Variants in SCARA3 observed in about 807,000 individuals in gnomAD.
SCARA3 encodes the protein cellular stress response gene protein.
Under a neutral mutation model 47.0 loss-of-function variants are expected in SCARA3, and 39 were observed. The observed-to-expected ratio is 0.83, with a 90% confidence interval of 0.64 to 1.08. SCARA3 has a LOEUF of 1.08. SCARA3 is among the 50% of genes least tolerant of loss of function. The pLI is 0.00. For synonymous variants in SCARA3, 356 were observed against 334.1 expected (o/e 1.07, Z -0.71); for missense variants, 724 against 792.3 (o/e 0.91, Z 1.04).
At chr8:27,731,927 G>A in the SCARA3 span, among the ~76,000 whole-genome samples, 1 of 152,148 alleles carries the variant, frequency 6.6e-6, no homozygotes, top group Non-Finnish European at 1.5e-5. Context: ...TTCAGTCTGT[G>A]GTTTTCATCT....
downstream of SCARA3, among the ~76,000 whole-genome samples, chr8:27,677,902 T>A (rs184227240): frequency 2.0e-5 from 3 of 152,346 alleles, no homozygotes; most frequent in Admixed American, 2.0e-4. Context: ...AGATATCTAC[T>A]GTCTTCAAAT....
the SCARA3 span, among the ~76,000 whole-genome samples, chr8:27,687,364 T>G: frequency 1.3e-5 from 2 of 152,180 alleles, no homozygotes; most frequent in Non-Finnish European, 2.9e-5. Context: ...ACAGCCACAC[T>G]TCCCCTGCTC....
Position 27,649,605 on chromosome 8 carries a change from G to A in SCARA3, c.8-97G>A, listed in dbSNP as rs2128918011. 4 of 1,136,082 alleles carry A rather than the reference G, an allele frequency of 3.5e-6. No individual in the cohort carries two copies. In the Admixed American group the frequency reaches 5.8e-5, roughly 16 times the overall value. 70.4% of individuals were successfully genotyped at this position (1,136,082 alleles called of 1,614,324 possible). A position where few individuals can be genotyped will look rare whatever the true frequency, so the allele number is the denominator to read the frequency against. ...TGGAGCTCAGTGAGCTGGCTCAGGG[G>A]TAGAGGTGGGCATGGGATATGGGGA... On this transcript the variant is annotated intron_variant, in intron 1 of 5. Transcript: ENST00000301904.
At chr8:27,668,471 C>T (rs1250430667) in intron 5 of SCARA3, among the ~76,000 whole-genome samples, 2 of 145,912 alleles carry the variant, frequency 1.4e-5, no homozygotes, top group South Asian at 2.3e-4. Context: ...ACCCGGGAAG[C>T]GGAGCTTGCA....
chr8:27,721,244 A>G, the SCARA3 span, among the ~76,000 whole-genome samples: 51 of 152,316 alleles, frequency 3.3e-4, no homozygotes, highest in Admixed American at 3.9e-4. Context: ...AAATATACAT[A>G]TATATCTGTA....
chr8:27,646,980 C>CG (rs986600211), intron 1 of SCARA3, among the ~76,000 whole-genome samples: 3 of 113,106 alleles, frequency 2.7e-5, no homozygotes, highest in Non-Finnish European at 5.7e-5. Context: ...CCGCCCCCCC[C>CG]CCGCACACAC....
Position 27,658,624 on chromosome 8 carries a change from C to G in SCARA3, c.454C>G (p.Gln152Glu), listed in dbSNP as rs1392157729. Reference protein sequence around the residue: ...LLLAQEVQLDQTLQAQEVLST... With the variant: ...LLLAQEVQLDETLQAQEVLST... Reference sequence around the variant, plus strand: ...TCTGGCCCAGGAGGTGCAGCTGGACCAGACCTTACAGGCCCAGGAGGTGCT... The same window carrying G: ...TCTGGCCCAGGAGGTGCAGCTGGACGAGACCTTACAGGCCCAGGAGGTGCT... The change falls in exon 5 of 6, where the codon CAG becomes GAG. Residue 152 changes from glutamine to glutamate, a missense_variant. Gln to Glu is a conservative substitution (Grantham distance 29). Coordinates refer to ENST00000301904, the MANE Select transcript of SCARA3 (RefSeq NM_016240.3). 1 of 1,613,920 alleles carries G rather than the reference C, an allele frequency of 6.2e-7. No individual in the cohort carries two copies. The highest frequency in any genetic ancestry group is 8.5e-7 in the Non-Finnish European group (1 of 1,179,998).
intron 3 of SCARA3, among the ~76,000 whole-genome samples, chr8:27,653,341 G>A (rs1035201653): frequency 6.6e-6 from 1 of 152,210 alleles, no homozygotes; most frequent in Non-Finnish European, 1.5e-5. Context: ...GTACAGACCT[G>A]GGAAGGGGAC....
chr8:27,661,070 C>T lies in SCARA3; in HGVS notation c.1369+1531C>T, dbSNP rs1379421302. Among the ~76,000 whole-genome samples, 3 of 152,056 alleles carry T rather than the reference C, an allele frequency of 2.0e-5. No individual in the cohort carries two copies. The East Asian group carries it at 5.8e-4, about 29-fold the overall frequency. ...TCAGGCCTTCAACTGATTAGATGAGCCTGCTCACGCCAGGGAGGGCAATCT... is the reference window on the plus strand; with the variant it reads ...TCAGGCCTTCAACTGATTAGATGAGTCTGCTCACGCCAGGGAGGGCAATCT... On this transcript the variant is annotated intron_variant, in intron 5 of 5. Coordinates refer to ENST00000301904, the MANE Select transcript of SCARA3 (RefSeq NM_016240.3).
the SCARA3 span, among the ~76,000 whole-genome samples, chr8:27,687,842 C>T: frequency 6.6e-6 from 1 of 152,106 alleles, no homozygotes; most frequent in South Asian, 2.1e-4. Flanking sequence ...CATGGCGAAA[C>T]CCGTTTCTAC....
chr8:27,656,591 T>C (rs1801748263), intron 3 of SCARA3, among the ~76,000 whole-genome samples, 191 bp from the exon 4 acceptor site: 1 of 152,186 alleles, frequency 6.6e-6, no homozygotes, highest in African/African-American at 2.4e-5. Flanking sequence ...TGAGTTATTC[T>C]GTTTCTAAAG....
At chr8:27,659,782 C>T (rs1363872849) in intron 5 of SCARA3, among the ~76,000 whole-genome samples, 4 of 126,206 alleles carry the variant, frequency 3.2e-5, no homozygotes, top group African/African-American at 8.8e-5. Flanking sequence ...CCCAGGAGTT[C>T]GAGGCTACAG....
chr8:27,672,227 A>G lies in SCARA3; in HGVS notation c.*876A>G, dbSNP rs1034366400. ...TGAGAAGTTCAACATTTATTTCTTC[A>G]CGTGTCCAGAAAATTCCTCAATTCA... On this transcript the variant is annotated 3_prime_UTR_variant, in exon 6 of 6. Coordinates refer to ENST00000301904, the MANE Select transcript of SCARA3 (RefSeq NM_016240.3). 7.1e-6 allele frequency: 7 copies of G among 985,330 alleles called. No homozygotes were observed. The African/African-American group carries it at 1.2e-4, about 17-fold the overall frequency. The allele number at this position is 985,330 out of a possible 1,614,324, so 61.0% of individuals were successfully genotyped here.
At chr8:27,705,811 G>A in the SCARA3 span, among the ~76,000 whole-genome samples, 160 of 152,312 alleles carry the variant, frequency 1.1e-3, no homozygotes, top group African/African-American at 3.5e-3. Flanking sequence ...GGAAGGATAG[G>A]AGTATAAACT....
rs1166113499 is a variant in SCARA3, at chr8:27,671,946, G to A, written c.*595G>A. On this transcript the variant is annotated 3_prime_UTR_variant, in exon 6 of 6. Coordinates refer to ENST00000301904, the MANE Select transcript of SCARA3 (RefSeq NM_016240.3). ...AGCCTGCCAGGGAGGCAGCTACCTC[G>A]GGAGGAAGGTCTCACATCTGTCTCT... 1.3e-5 allele frequency: 13 copies of A among 985,276 alleles called. No individual in the cohort carries two copies. The highest frequency in any genetic ancestry group is 5.2e-4 in the Middle Eastern group (1 of 1,936). The allele number at this position is 985,276 out of a possible 1,614,324, so 61.0% of individuals were successfully genotyped here. A position where few individuals can be genotyped will look rare whatever the true frequency, so the allele number is the denominator to read the frequency against.
chr8:27,723,393 T>C, the SCARA3 span, among the ~76,000 whole-genome samples: 1 of 152,212 alleles, frequency 6.6e-6, no homozygotes, highest in Admixed American at 6.5e-5. Flanking sequence ...CACTTCCTTT[T>C]GGCAACCTTC....
the SCARA3 span, among the ~76,000 whole-genome samples, chr8:27,704,972 T>C: frequency 6.6e-6 from 1 of 152,084 alleles, no homozygotes; most frequent in South Asian, 2.1e-4. Flanking sequence ...AGCTGCAAAA[T>C]AATCTCAACT....
the SCARA3 span, among the ~76,000 whole-genome samples, chr8:27,700,068 A>G: frequency 6.6e-6 from 1 of 152,182 alleles, no homozygotes; most frequent in African/African-American, 2.4e-5. Context: ...AATCTATAAA[A>G]CTTCTTAAAA....
At position 27,672,256 on chromosome 8, in the gene SCARA3, T is replaced by C; in HGVS notation, c.*905T>C. 1.0e-6 allele frequency: 1 copy of C among 985,528 alleles called. No individual in the cohort carries two copies. Among genetic ancestry groups the C allele is most frequent in the Non-Finnish European group, 1.2e-6 (1 of 830,006 alleles). The allele number at this position is 985,528 out of a possible 1,614,324, so 61.0% of individuals were successfully genotyped here. ...GTCCAGAAAATTCCTCAATTCATCCTTGCCTCTGCCCTTCAGGAGCAGCCT... is the reference window on the plus strand; with the variant it reads ...GTCCAGAAAATTCCTCAATTCATCCCTGCCTCTGCCCTTCAGGAGCAGCCT... On this transcript the variant is annotated 3_prime_UTR_variant, in exon 6 of 6. Transcript: ENST00000301904.
Sources: gnomAD v4.1 joint callset for allele counts (sites outside exome capture counted in the v4.1 genomes callset) on GRCh38, gnomAD v4.1.1 for gene constraint, MANE v1.5 for transcripts, NCBI Gene and HGNC (gene_info 2026-07-23, HGNC 2026-07-21) for gene names.